The following CCSER1 variants were observed in gnomAD, a reference collection of about 807,000 sequenced individuals.
CCSER1 encodes serine-rich coiled-coil domain-containing protein 1.
A neutral mutation model predicts 82.0 loss-of-function variants in CCSER1; 41 were observed. That is an observed-to-expected ratio of 0.50 (90% CI 0.39 to 0.65). CCSER1 has a LOEUF of 0.65. CCSER1 is among the 30% of genes least tolerant of loss of function. The pLI, the probability that CCSER1 is intolerant of heterozygous loss-of-function variation, is 0.00. For missense variants in CCSER1, 1,119 were observed against 1,064.2 expected (o/e 1.05, Z -0.72); for synonymous variants, 414 against 383.9 (o/e 1.08, Z -0.92).
chr4:90,311,029 G>C (rs948447761), intron 2 of CCSER1, among the ~76,000 whole-genome samples: 4 of 151,858 alleles, frequency 2.6e-5, no homozygotes, highest in Non-Finnish European at 4.4e-5. Context: ...TATTAATGAT[G>C]GTTACCCTTT....
At chr4:91,064,921 G>A (rs962533003) in intron 9 of CCSER1, among the ~76,000 whole-genome samples, 1 of 152,062 alleles carries the variant, frequency 6.6e-6, no homozygotes, top group African/African-American at 2.4e-5. Flanking sequence ...GTTATCAGTA[G>A]AATAATCCTG....
At chr4:90,301,558 G>A (rs899306935) in intron 1 of CCSER1, among the ~76,000 whole-genome samples, 4 of 152,002 alleles carry the variant, frequency 2.6e-5, no homozygotes, top group Non-Finnish European at 5.9e-5. Flanking sequence ...TATTTACATA[G>A]CATTAAAGTT....
intron 3 of CCSER1, among the ~76,000 whole-genome samples, chr4:90,339,865 A>G (rs1259048796): frequency 6.6e-6 from 1 of 151,910 alleles, no homozygotes; most frequent in African/African-American, 2.4e-5. Flanking sequence ...GGCTCACCCA[A>G]TACTGGAGCA....
intron 1 of CCSER1, among the ~76,000 whole-genome samples, chr4:90,252,908 T>G (rs1722655270): frequency 6.6e-6 from 1 of 151,998 alleles, no homozygotes; most frequent in Non-Finnish European, 1.5e-5. Context: ...TTTTATGGTA[T>G]AGTTTTACTT....
intron 5 of CCSER1, among the ~76,000 whole-genome samples, chr4:90,548,751 C>T (rs944227746): frequency 1.6e-4 from 23 of 139,428 alleles, no homozygotes; most frequent in Non-Finnish European, 2.4e-4. Flanking sequence ...TATATATATA[C>T]ACACACACAC....
chr4:90,221,609 A>T (rs1742166587), intron 1 of CCSER1, among the ~76,000 whole-genome samples: 1 of 152,184 alleles, frequency 6.6e-6, no homozygotes, highest in Non-Finnish European at 1.5e-5. Context: ...TTTCATCACT[A>T]TTAAAATACA....
At chr4:91,562,681 T>C (rs904720102) in intron 10 of CCSER1, among the ~76,000 whole-genome samples, 3 of 151,516 alleles carry the variant, frequency 2.0e-5, no homozygotes, top group African/African-American at 7.3e-5. Context: ...ATTTTCAGAG[T>C]AGGATCTTCC....
At chr4:90,969,944 G>T in intron 9 of CCSER1, among the ~76,000 whole-genome samples, 1 of 150,784 alleles carries the variant, frequency 6.6e-6, no homozygotes, top group African/African-American at 2.4e-5. Context: ...AAAACCTCTA[G>T]TAAATATACA....
chr4:90,784,716 A>G (rs1056980532), intron 7 of CCSER1, among the ~76,000 whole-genome samples: 1 of 152,204 alleles, frequency 6.6e-6, no homozygotes, highest in Non-Finnish European at 1.5e-5. Flanking sequence ...AAATCCATGT[A>G]TAACTTTTGA....
At chr4:91,042,415 A>G (rs112124657) in intron 9 of CCSER1, among the ~76,000 whole-genome samples, 5 of 152,170 alleles carry the variant, frequency 3.3e-5, no homozygotes, top group African/African-American at 1.2e-4. Context: ...TAAATTGCCC[A>G]GTCTCGGGCG....
chr4:90,416,091 T>C (rs1287669268), intron 4 of CCSER1, among the ~76,000 whole-genome samples: 1 of 152,208 alleles, frequency 6.6e-6, no homozygotes, highest in African/African-American at 2.4e-5. Flanking sequence ...GGATCTAATA[T>C]ACAGCATGAA....
chr4:91,084,565 T>A (rs961996127), intron 9 of CCSER1, among the ~76,000 whole-genome samples: 1 of 152,156 alleles, frequency 6.6e-6, no homozygotes, highest in African/African-American at 2.4e-5. Context: ...TGCAAAAATC[T>A]ATAAGCATGA....
chr4:91,266,354 G>A (rs886726844), intron 10 of CCSER1, among the ~76,000 whole-genome samples: 1 of 151,992 alleles, frequency 6.6e-6, no homozygotes, highest in Non-Finnish European at 1.5e-5. Flanking sequence ...CTGGGTTCAC[G>A]CCATTCTCCT....
At chr4:90,963,600 G>T (rs1338094589) in intron 9 of CCSER1, among the ~76,000 whole-genome samples, 1 of 151,924 alleles carries the variant, frequency 6.6e-6, no homozygotes, top group Non-Finnish European at 1.5e-5. Flanking sequence ...CGGAAAACAT[G>T]CACCGAGAAA....
At chr4:91,062,229 G>A (rs1010844927) in intron 9 of CCSER1, among the ~76,000 whole-genome samples, 1 of 151,908 alleles carries the variant, frequency 6.6e-6, no homozygotes, top group Admixed American at 6.6e-5. Context: ...AGAGTTTATA[G>A]CCCTAAAAGG....
intron 10 of CCSER1, among the ~76,000 whole-genome samples, chr4:91,512,385 G>C (rs748883684): frequency 2.4e-4 from 37 of 152,252 alleles, no homozygotes; most frequent in Non-Finnish European, 4.4e-4. Flanking sequence ...CAGACTCCAA[G>C]TTCTTCAGCT....
intron 10 of CCSER1, among the ~76,000 whole-genome samples, chr4:91,536,035 A>T (rs1761279224): frequency 6.6e-6 from 1 of 152,032 alleles, no homozygotes; most frequent in South Asian, 2.1e-4. Flanking sequence ...TACCAATGTA[A>T]ATATATATTT....
chr4:90,879,784 T>C (rs1721021143), intron 8 of CCSER1, among the ~76,000 whole-genome samples: 1 of 152,182 alleles, frequency 6.6e-6, no homozygotes, highest in South Asian at 2.1e-4. Context: ...ATTTGAGTTA[T>C]TGGAGTTCTT....
At chr4:90,526,724 G>T (rs186997379) in intron 5 of CCSER1, among the ~76,000 whole-genome samples, 59 of 152,250 alleles carry the variant, frequency 3.9e-4, no homozygotes, top group African/African-American at 1.3e-3. Context: ...TGGCTGCATA[G>T]TGTTCCATGG....
Sources: allele counts gnomAD v4.1 joint callset (sites outside exome capture counted in the v4.1 genomes callset), GRCh38; gene constraint gnomAD v4.1.1; transcripts MANE v1.5; gene names NCBI Gene and HGNC (gene_info 2026-07-23, HGNC 2026-07-21).